TPP2: variants seen among roughly 807,000 people sequenced by gnomAD.
TPP2 encodes the protein tripeptidyl-peptidase 2.
Under a neutral mutation model 155.9 loss-of-function variants are expected in TPP2, and 34 were observed. That is an observed-to-expected ratio of 0.22 (90% CI 0.17 to 0.29). The LOEUF (loss-of-function observed/expected upper bound fraction) is 0.29, where lower values mean the gene tolerates loss of function less well. Among genes scored for constraint, TPP2 ranks in the 10% least tolerant of loss-of-function variants. The pLI, the probability that TPP2 is intolerant of heterozygous loss-of-function variation, is 1.00. For missense variants in TPP2, 1,028 were observed against 1,522.3 expected, an observed-to-expected ratio of 0.68 and a Z score of 5.40; for synonymous variants, 510 against 529.4, an observed-to-expected ratio of 0.96 and a Z score of 0.50.
At chr13:102,644,521 A>G (rs1882975081) in intron 17 of TPP2, 36 bp from the exon 18 acceptor site, 4 of 1,489,558 alleles carry the variant, frequency 2.7e-6, no homozygotes, top group African/African-American at 2.8e-5. Flanking sequence ...GAGAAAAATA[A>G]GAAAAGAGAT....
intron 8 of TPP2, among the ~76,000 whole-genome samples, chr13:102,628,765 C>T (rs961352103): frequency 6.6e-6 from 1 of 152,184 alleles, no homozygotes; most frequent in Non-Finnish European, 1.5e-5. Context: ...ACCCTGTTAT[C>T]ATGAGTCATT....
intron 8 of TPP2, 65 bp downstream of exon 8, chr13:102,627,989 TC>T (rs1881762045): frequency 7.7e-7 from 1 of 1,303,860 alleles, no homozygotes; most frequent in Non-Finnish European, 1.1e-6. Flanking sequence ...GAGATGTTTT[TC>T]ATAAGTGGAT....
At chr13:102,660,378 T>C (rs187882931) in intron 25 of TPP2, among the ~76,000 whole-genome samples, 4 of 152,052 alleles carry the variant, frequency 2.6e-5, no homozygotes, top group African/African-American at 7.2e-5. Context: ...TTACAGGAAA[T>C]TAAGAGAATC....
chr13:102,674,228 T>C lies in TPP2; in HGVS notation c.3372-55T>C, dbSNP rs1489015852. 8 of 1,532,124 alleles carry C rather than the reference T, an allele frequency of 5.2e-6. No individual in the cohort carries two copies. In the African/African-American group the frequency reaches 1.1e-4, roughly 21 times the overall value. The allele number at this position is 1,532,124 out of a possible 1,614,324, so 94.9% of individuals were successfully genotyped here. On this transcript the variant is annotated intron_variant, in intron 27 of 29. Coordinates refer to ENST00000376052, the MANE Select transcript of TPP2 (RefSeq NM_001330588.2). ...CATGAATTTAAATTCAGATAAGAAT[T>C]TACTTTTAAAGACATTTTACTGATA... is the stretch of plus-strand genomic sequence containing the variant.
intron 6 of TPP2, 57 bp downstream of exon 6, chr13:102,623,097 C>T (rs751643795): frequency 2.3e-4 from 350 of 1,532,372 alleles, no homozygotes; most frequent in Non-Finnish European, 2.8e-4. Flanking sequence ...TAAAGTGGTA[C>T]GTTGCGATAG....
chr13:102,597,370 C>A (rs1241439218), intron 1 of TPP2, among the ~76,000 whole-genome samples, 167 bp downstream of exon 1: 1 of 152,110 alleles, frequency 6.6e-6, no homozygotes. Flanking sequence ...GCGGGAGGGA[C>A]GGGCGCCCGC....
At chr13:102,637,336 G>C in intron 14 of TPP2, 97 bp downstream of exon 14, 1 of 1,351,414 alleles carries the variant, frequency 7.4e-7, no homozygotes, top group African/African-American at 1.5e-5. Context: ...TTGCTTTCTT[G>C]CTAAGAAATA....
At chr13:102,608,304 A>G (rs950341450) in intron 2 of TPP2, among the ~76,000 whole-genome samples, 6 of 151,938 alleles carry the variant, frequency 3.9e-5, no homozygotes, top group Admixed American at 3.9e-4. Flanking sequence ...TTTTTTTTCT[A>G]GTCTTAATCT....
intron 21 of TPP2, 93 bp from the exon 22 acceptor site, chr13:102,648,814 C>T: frequency 6.9e-7 from 1 of 1,453,502 alleles, no homozygotes; most frequent in Non-Finnish European, 9.1e-7. Context: ...ATGAACAAGT[C>T]TGTGAATGGT....
chr13:102,635,442 C>T (rs1882304663), intron 11 of TPP2, 145 bp from the exon 12 acceptor site: 1 of 569,784 alleles, frequency 1.8e-6, no homozygotes, highest in East Asian at 2.9e-5. Flanking sequence ...CTGTTTAGTT[C>T]AGGTCTTCAA....
intron 7 of TPP2, 66 bp downstream of exon 7, chr13:102,627,232 A>G (rs1881687745): frequency 1.4e-6 from 2 of 1,452,058 alleles, no homozygotes; most frequent in Non-Finnish European, 1.8e-6. Context: ...TTTTAGGTTT[A>G]TAAGTGCTCC....
At chr13:102,637,336 G>T in intron 14 of TPP2, 97 bp downstream of exon 14, 1 of 1,351,414 alleles carries the variant, frequency 7.4e-7, no homozygotes, top group Non-Finnish European at 9.8e-7. Context: ...TTGCTTTCTT[G>T]CTAAGAAATA....
chr13:102,669,287 T>G (rs1437872048), intron 27 of TPP2, among the ~76,000 whole-genome samples: 1 of 152,174 alleles, frequency 6.6e-6, no homozygotes. Context: ...AAGGGTGGAT[T>G]GGACACGTTC....
chr13:102,619,828 G>A (rs372692457), intron 5 of TPP2, among the ~76,000 whole-genome samples: 17 of 152,088 alleles, frequency 1.1e-4, no homozygotes, highest in African/African-American at 4.1e-4. Flanking sequence ...ATGCATACAC[G>A]TTTTGAAAAA....
chr13:102,615,652 G>A (rs1263067634), intron 3 of TPP2, among the ~76,000 whole-genome samples: 2 of 152,074 alleles, frequency 1.3e-5, no homozygotes, highest in Non-Finnish European at 2.9e-5. Context: ...AAATAGGGAG[G>A]ACATTGAGGA....
chr13:102,638,668 C>G (rs747967954), intron 15 of TPP2, among the ~76,000 whole-genome samples: 1 of 152,186 alleles, frequency 6.6e-6, no homozygotes, highest in Non-Finnish European at 1.5e-5. Flanking sequence ...CATTCCTGCC[C>G]TTTTTGTCTC....
chr13:102,657,774 C>T (rs954048967), intron 25 of TPP2, among the ~76,000 whole-genome samples: 3 of 152,118 alleles, frequency 2.0e-5, no homozygotes, highest in African/African-American at 7.2e-5. Context: ...AAATTTCCAT[C>T]ATATTGCATC....
chr13:102,602,737 G>A (rs996372342), intron 1 of TPP2, among the ~76,000 whole-genome samples: 3 of 152,140 alleles, frequency 2.0e-5, no homozygotes, highest in African/African-American at 7.2e-5. Flanking sequence ...TGGGGTGAGG[G>A]GCATGTTGGT....
In TPP2 at chr13:102,629,474, T is replaced by C; in HGVS notation, c.1017-8T>C. ...ATTATATGTTCAAAGGAATTCTCTC[T>C]TTTTCAGGAGAATTTGTGAAGTAAT... On this transcript the variant is annotated splice_polypyrimidine_tract_variant and splice_region_variant and intron_variant, in intron 8 of 29. Coordinates refer to ENST00000376052, the MANE Select transcript of TPP2 (RefSeq NM_001330588.2). 6.7e-7 allele frequency: 1 copy of C among 1,486,166 alleles called. No homozygotes were observed. Among genetic ancestry groups the C allele is most frequent in the Non-Finnish European group, 8.9e-7 (1 of 1,124,992 alleles). The allele number at this position is 1,486,166 out of a possible 1,614,324, so 92.1% of individuals were successfully genotyped here. A position where few individuals can be genotyped will look rare whatever the true frequency, so the allele number is the denominator to read the frequency against.
Sources: gnomAD v4.1 joint callset for allele counts (sites outside exome capture counted in the v4.1 genomes callset) on GRCh38, gnomAD v4.1.1 for gene constraint, MANE v1.5 for transcripts, NCBI Gene and HGNC (gene_info 2026-07-23, HGNC 2026-07-21) for gene names.